ST7: variants seen among roughly 807,000 people sequenced by gnomAD.
The protein encoded by ST7 is suppressor of tumorigenicity 7 protein.
A neutral mutation model predicts 78.7 loss-of-function variants in ST7; 28 were observed. That is an observed-to-expected ratio of 0.36 (90% CI 0.26 to 0.49). The LOEUF is 0.49. ST7 is among the 20% of genes least tolerant of loss of function. ST7 has a pLI of 0.99. For missense variants in ST7, 418 were observed against 696.0 expected (o/e 0.60, Z 4.49); for synonymous variants, 247 against 249.6 (o/e 0.99, Z 0.10).
intron 1 of ST7, among the ~76,000 whole-genome samples, chr7:116,982,339 C>T: frequency 6.6e-6 from 1 of 152,106 alleles, no homozygotes; most frequent in African/African-American, 2.4e-5. Flanking sequence ...ATTCTCCTGC[C>T]TCAGCTTCCT....
chr7:117,221,830 T>C, intron 14 of ST7, 93 bp from the exon 15 acceptor site: 2 of 1,374,464 alleles, frequency 1.5e-6, no homozygotes, highest in Admixed American at 2.6e-5. Context: ...TCCAACTCTT[T>C]CCCAAGCTCT....
chr7:117,046,596 G>A (rs1202818943), intron 1 of ST7, among the ~76,000 whole-genome samples: 1 of 152,094 alleles, frequency 6.6e-6, no homozygotes, highest in African/African-American at 2.4e-5. Context: ...CAGAAATGGG[G>A]CTTTCTTCTA....
intron 1 of ST7, 77 bp downstream of exon 1, chr7:116,953,768 C>T (rs1792272179): frequency 1.9e-6 from 2 of 1,079,550 alleles, no homozygotes; most frequent in African/African-American, 1.7e-5. Context: ...CGCGGGGCCG[C>T]GGCCAGGCGC....
At chr7:117,078,978 A>T (rs1273997656) in intron 1 of ST7, among the ~76,000 whole-genome samples, 1 of 152,156 alleles carries the variant, frequency 6.6e-6, no homozygotes, top group Non-Finnish European at 1.5e-5. Flanking sequence ...TCTATGTGTT[A>T]TTCATATGTA....
intron 1 of ST7, among the ~76,000 whole-genome samples, chr7:117,047,711 T>A (rs1441629197): frequency 6.6e-6 from 1 of 152,204 alleles, no homozygotes; most frequent in Non-Finnish European, 1.5e-5. Flanking sequence ...GTTTGGAGGC[T>A]GGGGATGTTT....
chr7:117,121,074 C>T (rs2116952796), intron 3 of ST7, among the ~76,000 whole-genome samples: 1 of 152,304 alleles, frequency 6.6e-6, no homozygotes, highest in African/African-American at 2.4e-5. Context: ...TGTTAATTTT[C>T]TACAATGTTC....
At chr7:117,025,274 C>G (rs1039434378) in intron 1 of ST7, among the ~76,000 whole-genome samples, 3 of 152,172 alleles carry the variant, frequency 2.0e-5, no homozygotes, top group Admixed American at 2.0e-4. Context: ...CTGTTCACAT[C>G]TGGACCATTT....
At chr7:117,013,926 C>T (rs913540893) in intron 1 of ST7, among the ~76,000 whole-genome samples, 4 of 152,170 alleles carry the variant, frequency 2.6e-5, no homozygotes, top group South Asian at 4.1e-4. Flanking sequence ...ATTTGTATTA[C>T]GCACTTTTGA....
intron 13 of ST7, 122 bp downstream of exon 13, chr7:117,210,059 C>T (rs1792157597): frequency 1.9e-5 from 22 of 1,159,666 alleles, no homozygotes; most frequent in Non-Finnish European, 2.6e-5. Context: ...TCTGTGATGG[C>T]CCATCTAAGC....
intron 9 of ST7, among the ~76,000 whole-genome samples, chr7:117,156,148 T>C (rs1024238982): frequency 6.6e-6 from 1 of 152,212 alleles, no homozygotes; most frequent in African/African-American, 2.4e-5. Flanking sequence ...TTTATTTGCT[T>C]ATTTTCCATT....
intron 1 of ST7, chr7:116,967,293 G>A (rs150371661): frequency 0.019 from 8,857 of 471,066 alleles, 179 homozygotes; most frequent in Non-Finnish European, 0.02. Flanking sequence ...TCACATACCC[G>A]CAGTGGTGGT....
intron 12 of ST7, among the ~76,000 whole-genome samples, chr7:117,195,588 G>A (rs1810234378): frequency 6.6e-6 from 1 of 152,190 alleles, no homozygotes; most frequent in South Asian, 2.1e-4. Flanking sequence ...GGAAGGGGAA[G>A]TAAACACGTC....
intron 10 of ST7, among the ~76,000 whole-genome samples, chr7:117,178,932 G>A (rs991374195): frequency 1.3e-4 from 20 of 152,164 alleles, no homozygotes; most frequent in Non-Finnish European, 2.1e-4. Flanking sequence ...TTCAGCAGCA[G>A]CATTCCAATA....
chr7:117,061,951 T>C (rs1366887761), intron 1 of ST7, among the ~76,000 whole-genome samples: 1 of 152,194 alleles, frequency 6.6e-6, no homozygotes, highest in East Asian at 1.9e-4. Context: ...CATAACAAAA[T>C]TTCATAGGCT....
rs548148692 is a variant in ST7 at position 116,980,973 on chromosome 7, G to T, written c.151+27282G>T. ...CAATCATGCCTTCCATTTAGTAGCC[G>T]TGTCTCTCCAGACTCCTTTTTTTCT... On this transcript the variant is annotated intron_variant, in intron 1 of 15. Transcript: ENST00000323984. Among the ~76,000 whole-genome samples the T allele has an allele frequency of 3.3e-5, 5 of 152,264 alleles. No individual in the cohort carries two copies. The South Asian group carries it at 6.2e-4, about 19-fold the overall frequency.
chr7:117,066,696 G>T (rs1798651144), intron 1 of ST7, among the ~76,000 whole-genome samples: 1 of 145,690 alleles, frequency 6.9e-6, no homozygotes, highest in South Asian at 2.2e-4. Flanking sequence ...GGAAGGCAGA[G>T]ATTGCAGTGA....
intron 9 of ST7, among the ~76,000 whole-genome samples, chr7:117,166,616 G>A (rs922533339): frequency 4.6e-5 from 7 of 152,188 alleles, no homozygotes; most frequent in African/African-American, 9.6e-5. Flanking sequence ...TGGGCCAGGC[G>A]CAGTGGCTCA....
chr7:117,059,845 T>C (rs959405409), intron 1 of ST7, among the ~76,000 whole-genome samples: 3 of 145,496 alleles, frequency 2.1e-5, no homozygotes, highest in African/African-American at 7.7e-5. Context: ...TAGCTACGTG[T>C]GGTAATGTGT....
At chr7:117,047,872 C>A (rs948720383) in intron 1 of ST7, among the ~76,000 whole-genome samples, 1 of 152,088 alleles carries the variant, frequency 6.6e-6, no homozygotes, top group South Asian at 2.1e-4. Flanking sequence ...TATTAATATA[C>A]AGTTGACCCT....
Sources: allele counts gnomAD v4.1 joint callset (sites outside exome capture counted in the v4.1 genomes callset), GRCh38; gene constraint gnomAD v4.1.1; transcripts MANE v1.5; gene names NCBI Gene and HGNC (gene_info 2026-07-23, HGNC 2026-07-21).